The following LRRC7 variants were observed in gnomAD, a reference collection of about 807,000 sequenced individuals.
LRRC7 encodes the protein leucine-rich repeat-containing protein 7.
A neutral mutation model predicts 175.7 loss-of-function variants in LRRC7; 23 were observed. The ratio of observed to expected loss-of-function variants is 0.13; its 90% CI spans 0.09 to 0.19. LRRC7 has a LOEUF of 0.19. Ranked by LOEUF, LRRC7 falls within the 10% of genes least tolerant of loss-of-function variation. LRRC7 has a pLI of 1.00. For missense variants in LRRC7, 1,354 were observed against 1,904.7 expected (o/e 0.71, Z 5.38); for synonymous variants, 685 against 680.9 (o/e 1.01, Z -0.09).
chr1:69,749,615 T>C (rs185749295), intron 2 of LRRC7, among the ~76,000 whole-genome samples: 1 of 152,294 alleles, frequency 6.6e-6, no homozygotes, highest in East Asian at 1.9e-4. Context: ...ATTTACAAAT[T>C]ATAATTACAA....
At chr1:69,775,406 G>A (rs181800321) in intron 3 of LRRC7, among the ~76,000 whole-genome samples, 14 of 152,232 alleles carry the variant, frequency 9.2e-5, no homozygotes, top group South Asian at 2.1e-4. Flanking sequence ...ACTCCGAAAG[G>A]CTGATTTCAT....
intron 25 of LRRC7, among the ~76,000 whole-genome samples, chr1:70,104,567 C>T (rs775484659): frequency 1.1e-4 from 16 of 152,048 alleles, no homozygotes; most frequent in African/African-American, 3.4e-4. Context: ...ACTATACCAA[C>T]GGGCAGGACC....
chr1:69,946,858 A>C (rs1326082920), intron 8 of LRRC7, among the ~76,000 whole-genome samples: 1 of 151,910 alleles, frequency 6.6e-6, no homozygotes, highest in Admixed American at 6.6e-5. Flanking sequence ...TGGGTGGATC[A>C]CCTGAGGTTG....
intron 1 of LRRC7, among the ~76,000 whole-genome samples, chr1:69,581,832 T>C (rs1468613789): frequency 6.6e-6 from 1 of 152,214 alleles, no homozygotes; most frequent in African/African-American, 2.4e-5. Context: ...TTACTCACTA[T>C]GCTTTACAGT....
chr1:69,886,906 G>C (rs1345520760), intron 7 of LRRC7, among the ~76,000 whole-genome samples: 1 of 151,770 alleles, frequency 6.6e-6, no homozygotes, highest in East Asian at 1.9e-4. Flanking sequence ...TGAAATTCTG[G>C]GTCGAAAATT....
chr1:69,622,072 A>G (rs1650707458), intron 1 of LRRC7, among the ~76,000 whole-genome samples: 1 of 152,178 alleles, frequency 6.6e-6, no homozygotes, highest in East Asian at 1.9e-4. Flanking sequence ...ACTTCCTCGA[A>G]CAAAGAAATG....
At chr1:69,803,191 A>G (rs1205382689) in intron 4 of LRRC7, among the ~76,000 whole-genome samples, 4 of 151,416 alleles carry the variant, frequency 2.6e-5, no homozygotes, top group Admixed American at 6.6e-5. Context: ...ATCTGAAAAT[A>G]CAAGTCCACT....
intron 25 of LRRC7, among the ~76,000 whole-genome samples, chr1:70,101,499 T>A (rs1310635197): frequency 6.6e-6 from 1 of 152,182 alleles, no homozygotes; most frequent in Non-Finnish European, 1.5e-5. Context: ...TAAAAAGCCA[T>A]ATAAACTTCC....
chr1:70,080,111 A>G (rs1244314304), intron 24 of LRRC7, among the ~76,000 whole-genome samples: 6 of 152,214 alleles, frequency 3.9e-5, no homozygotes, highest in Admixed American at 6.5e-5. Flanking sequence ...TGCCTGAACT[A>G]TAACTCAGAA....
intron 2 of LRRC7, among the ~76,000 whole-genome samples, chr1:69,705,356 A>G (rs1050201097): frequency 6.6e-6 from 1 of 152,096 alleles, no homozygotes; most frequent in African/African-American, 2.4e-5. Flanking sequence ...CTTCTCCTTG[A>G]CTTGTATTCC....
At chr1:69,885,711 G>T (rs61782582) in intron 7 of LRRC7, among the ~76,000 whole-genome samples, 7,789 of 112,976 alleles carry the variant, frequency 0.069, 299 homozygotes, top group African/African-American at 0.15. Context: ...GTGATGTTAG[G>T]GTGTCAATTT....
intron 17 of LRRC7, among the ~76,000 whole-genome samples, chr1:70,026,167 C>T (rs1486066625): frequency 5.9e-5 from 9 of 152,096 alleles, no homozygotes; most frequent in Non-Finnish European, 1.3e-4. Flanking sequence ...CTTCACATTT[C>T]TTTTGCCTTC....
chr1:69,956,894 C>T (rs989493295), intron 8 of LRRC7, among the ~76,000 whole-genome samples: 5 of 151,596 alleles, frequency 3.3e-5, no homozygotes, highest in South Asian at 4.1e-4. Flanking sequence ...GTATAACACA[C>T]GAGATTTTAT....
At chr1:69,607,347 C>T (rs752423961) in intron 1 of LRRC7, 4 of 152,016 alleles carry the variant, frequency 2.6e-5, no homozygotes, top group Non-Finnish European at 4.4e-5. Flanking sequence ...AGAATAATTT[C>T]TCATTTTATT....
At chr1:70,024,418 C>T (rs1657866146) in intron 17 of LRRC7, among the ~76,000 whole-genome samples, 1 of 151,812 alleles carries the variant, frequency 6.6e-6, no homozygotes, top group Non-Finnish European at 1.5e-5. Flanking sequence ...TCTCCAACAT[C>T]TTGCAGCTGC....
chr1:69,806,202 G>T (rs772282818), intron 4 of LRRC7, among the ~76,000 whole-genome samples: 1 of 151,868 alleles, frequency 6.6e-6, no homozygotes, highest in Non-Finnish European at 1.5e-5. Context: ...GTGGTAAATT[G>T]ATAAGGAAGG....
rs189746201 is a variant in LRRC7 at position 70,062,754 on chromosome 1, T to C, written c.4230+9609T>C. On this transcript the variant is annotated intron_variant, in intron 23 of 26. Coordinates refer to ENST00000651989, the MANE Select transcript of LRRC7 (RefSeq NM_001370785.2). Reference sequence around the variant, plus strand: ...TTTATTTAATGATCCATTTCAAATATGTATTTTGTTAATCTGAAGAGCTAG... The same window carrying C: ...TTTATTTAATGATCCATTTCAAATACGTATTTTGTTAATCTGAAGAGCTAG... 3.7e-4 allele frequency among the ~76,000 whole-genome samples: 57 copies of C among 152,220 alleles called. No individual in the cohort carries two copies. In the East Asian group the frequency reaches 8.3e-3, roughly 22 times the overall value.
chr1:69,956,235 C>A (rs1232465352), intron 8 of LRRC7, among the ~76,000 whole-genome samples: 1 of 151,826 alleles, frequency 6.6e-6, no homozygotes, highest in African/African-American at 2.4e-5. Flanking sequence ...ATTTTTACCA[C>A]AGTATTTAAC....
chr1:70,036,384 T>G (rs1659315244), intron 19 of LRRC7, 60 bp from the exon 20 acceptor site: 3 of 1,515,686 alleles, frequency 2.0e-6, no homozygotes, highest in Non-Finnish European at 2.7e-6. Flanking sequence ...TTTTCATACT[T>G]GCTTTTCCGT....
Sources: gnomAD v4.1 joint callset for allele counts (sites outside exome capture counted in the v4.1 genomes callset) on GRCh38, gnomAD v4.1.1 for gene constraint, MANE v1.5 for transcripts, NCBI Gene and HGNC (gene_info 2026-07-23, HGNC 2026-07-21) for gene names.